TTLL9: variants seen among roughly 807,000 people sequenced by gnomAD.
TTLL9 encodes the protein probable tubulin polyglutamylase TTLL9.
A neutral mutation model predicts 65.6 loss-of-function variants in TTLL9; 47 were observed. That is an observed-to-expected ratio of 0.72 (90% confidence interval 0.57 to 0.91). The LOEUF (loss-of-function observed/expected upper bound fraction) is 0.91, where lower values mean the gene tolerates loss of function less well. Among genes scored for constraint, TTLL9 ranks in the 40% least tolerant of loss-of-function variants. The pLI, the probability that TTLL9 is intolerant of heterozygous loss-of-function variation, is 0.00. For missense variants in TTLL9, 537 were observed against 568.8 expected (o/e 0.94, Z 0.57); for synonymous variants, 179 against 204.8 (o/e 0.87, Z 1.07).
chr20:31,941,481 G>A (rs1049496908), intron 14 of TTLL9, among the ~76,000 whole-genome samples: 1 of 152,076 alleles, frequency 6.6e-6, no homozygotes, highest in African/African-American at 2.4e-5. Context: ...ATCAAGATAT[G>A]GTTGGTGTGG....
chr20:31,874,830 G>A (rs181398233), intron 2 of TTLL9, among the ~76,000 whole-genome samples: 2 of 152,238 alleles, frequency 1.3e-5, no homozygotes, highest in Admixed American at 6.5e-5. Context: ...ATGAGATGAC[G>A]GAAGCAGAAG....
intron 13 of TTLL9, chr20:31,938,076 C>G: frequency 4.2e-6 from 1 of 238,504 alleles, no homozygotes; most frequent in South Asian, 3.5e-5. Context: ...CCCTCCCTCT[C>G]CCTCTCCCTC....
At chr20:31,881,573 T>C (rs117956597) in intron 2 of TTLL9, among the ~76,000 whole-genome samples, 1,696 of 152,210 alleles carry the variant, frequency 0.011, 21 homozygotes, top group South Asian at 0.027. Context: ...ATTAATACTC[T>C]TTAAATACAC....
chr20:31,921,172 A>G (rs371083852), intron 7 of TTLL9, among the ~76,000 whole-genome samples: 27 of 152,298 alleles, frequency 1.8e-4, no homozygotes, highest in African/African-American at 6.5e-4. Flanking sequence ...TGGATTTATA[A>G]TTTCATATCC....
intron 3 of TTLL9, among the ~76,000 whole-genome samples, chr20:31,896,576 C>G (rs2063392307): frequency 6.6e-6 from 1 of 152,146 alleles, no homozygotes; most frequent in African/African-American, 2.4e-5. Context: ...GTCGCCCACA[C>G]TGGAGTGCAG....
intron 9 of TTLL9, chr20:31,925,812 G>T (rs2063892975): frequency 1.4e-6 from 2 of 1,453,606 alleles, no homozygotes; most frequent in Non-Finnish European, 1.9e-6. Context: ...GCTAGGCGGT[G>T]TGAGAGTGCC....
chr20:31,888,207 T>C (rs2063228014), intron 3 of TTLL9, among the ~76,000 whole-genome samples: 1 of 152,076 alleles, frequency 6.6e-6, no homozygotes, highest in Admixed American at 6.6e-5. Flanking sequence ...ATTTCTAAAG[T>C]CCCTCCTGGC....
intron 2 of TTLL9, 32 bp from the exon 3 acceptor site, chr20:31,887,164 C>T: frequency 6.2e-7 from 1 of 1,612,914 alleles, no homozygotes. Flanking sequence ...ATATACAAAA[C>T]CAGTTACATC....
intron 7 of TTLL9, among the ~76,000 whole-genome samples, chr20:31,921,887 G>A (rs1305239244): frequency 6.6e-6 from 1 of 152,088 alleles, no homozygotes; most frequent in African/African-American, 2.4e-5. Flanking sequence ...ACGAGTTAAT[G>A]GGTGCAGCAC....
intron 4 of TTLL9, among the ~76,000 whole-genome samples, chr20:31,907,877 G>A (rs559865422): frequency 1.3e-5 from 2 of 152,268 alleles, no homozygotes; most frequent in Admixed American, 6.5e-5. Context: ...AAATAATTGT[G>A]AACAATCATG....
intron 11 of TTLL9, 114 bp from the exon 12 acceptor site, chr20:31,934,578 G>T: frequency 1.0e-6 from 1 of 981,192 alleles, no homozygotes; most frequent in Non-Finnish European, 1.5e-6. Context: ...CTCAGGGCTG[G>T]GCCCCTCTTG....
intron 2 of TTLL9, chr20:31,873,056 T>G (rs756051313): frequency 1.9e-6 from 1 of 516,594 alleles, no homozygotes; most frequent in South Asian, 1.4e-5. Flanking sequence ...GAGGTGACAG[T>G]GACCTGGGAT....
At chr20:31,926,190 G>A (rs2123585183) in intron 10 of TTLL9, 99 bp downstream of exon 10, 1 of 781,710 alleles carries the variant, frequency 1.3e-6, no homozygotes, top group South Asian at 1.4e-5. Flanking sequence ...CTCACTGCAA[G>A]CTGCTCTGCC....
chr20:31,921,409 G>T (rs2063814271), intron 7 of TTLL9, among the ~76,000 whole-genome samples: 1 of 152,226 alleles, frequency 6.6e-6, no homozygotes, highest in African/African-American at 2.4e-5. Flanking sequence ...GTGGAAGACA[G>T]TGTGGTGATT....
chr20:31,934,810 TGCA>T lies in TTLL9; in HGVS notation c.928_930del (p.Gln310del), dbSNP rs2123626695. 6.2e-7 allele frequency: 1 copy of T among 1,614,032 alleles called. No homozygotes were observed. The highest frequency in any genetic ancestry group is 8.5e-7 in the Non-Finnish European group (1 of 1,180,028). On this transcript the variant is annotated inframe_deletion, in exon 12 of 15. Transcript: ENST00000535842. ...ATCTTTGTCAAAAGCCTGCAGAGTG[TGCA>T]GAAGGTGATCATCAGTGACAAGCAC...
intron 7 of TTLL9, among the ~76,000 whole-genome samples, chr20:31,920,208 T>A (rs2063795465): frequency 6.7e-6 from 1 of 150,114 alleles, no homozygotes; most frequent in Middle Eastern, 3.2e-3. Context: ...AAGGATGCAG[T>A]GAGCTAATAA....
intron 3 of TTLL9, among the ~76,000 whole-genome samples, chr20:31,895,810 C>CATTTATTT (rs1399516271): frequency 8.7e-5 from 12 of 138,510 alleles, no homozygotes; most frequent in African/African-American, 3.5e-4. Flanking sequence ...TAAGGTTATT[C>CATTTATTT]ATGTATTTAT....
rs199888998 is a variant in TTLL9, at chr20:31,908,591, C to A, written c.207C>A (p.Asp69Glu). 6.2e-7 allele frequency: 1 copy of A among 1,610,386 alleles called. No homozygotes were observed. The highest frequency in any genetic ancestry group is 1.1e-5 in the South Asian group (1 of 91,008). The change falls in exon 5 of 15, where the codon GAC becomes GAA. Residue 69 changes from aspartate to glutamate, a missense_variant and splice_region_variant. Around this residue, in one of 3 missense-constraint regions of TTLL9, gnomAD observed 320 missense variants for 311.0 expected, o/e 1.03. Transcript: ENST00000535842. ...RHRPGWVEVK[D>E]EGEWDFYWCD... is the part of the protein sequence containing the mutation. Reference sequence around the variant, plus strand: ...ATCCCCGCCCCCACCCCACCCCCAGCGAAGGGGAGTGGGATTTCTACTGGT... The same window carrying A: ...ATCCCCGCCCCCACCCCACCCCCAGAGAAGGGGAGTGGGATTTCTACTGGT...
intron 2 of TTLL9, among the ~76,000 whole-genome samples, chr20:31,879,361 A>C (rs2063077455): frequency 6.6e-6 from 1 of 152,206 alleles, no homozygotes; most frequent in Non-Finnish European, 1.5e-5. Context: ...TATCACTGTA[A>C]TCACTAAAAG....
Sources: gnomAD v4.1 joint callset for allele counts (sites outside exome capture counted in the v4.1 genomes callset) on GRCh38, gnomAD v4.1.1 for gene constraint, gnomAD v4.1.1 regional missense constraint, MANE v1.5 for transcripts, NCBI Gene and HGNC (gene_info 2026-07-23, HGNC 2026-07-21) for gene names.